Variants in PI4KB observed in about 807,000 individuals in gnomAD.
The protein encoded by PI4KB is PtdIns 4-kinase beta.
PI4KB carries 23 observed loss-of-function variants against 81.4 expected under a neutral mutation model. That is an observed-to-expected ratio of 0.28 (90% CI 0.20 to 0.40). The LOEUF is 0.40. Among genes scored for constraint, PI4KB ranks in the 10% least tolerant of loss-of-function variants. The pLI is 1.00. For missense variants in PI4KB, 651 were observed against 1,036.6 expected (o/e 0.63, Z 5.11); for synonymous variants, 381 against 406.8 (o/e 0.94, Z 0.76).
chr1:151,302,022 G>C, intron 7 of PI4KB, 55 bp from the exon 8 acceptor site: 2 of 1,604,540 alleles, frequency 1.2e-6, no homozygotes, highest in South Asian at 2.2e-5. Flanking sequence ...GAGGACAAGA[G>C]ACATGGCTTC....
chr1:151,310,289 G>C, intron 2 of PI4KB, 34 bp from the exon 3 acceptor site: 1 of 1,379,520 alleles, frequency 7.2e-7, no homozygotes, highest in Non-Finnish European at 1.0e-6. Context: ...GGGAGAAGGA[G>C]GGGGTGGGAA....
chr1:151,322,521 A>G (rs1463882976), intron 1 of PI4KB, among the ~76,000 whole-genome samples: 1 of 152,138 alleles, frequency 6.6e-6, no homozygotes, highest in East Asian at 1.9e-4. Flanking sequence ...CCCCTCACCC[A>G]GTTAATCACC....
At position 151,315,629 on chromosome 1, in the gene PI4KB, G is replaced by A. The variant is rs1297215520; in HGVS notation, c.853C>T (p.Leu285Phe). ...GCTGTTCGTTTCAGGTTGCTGCTGA[G>A]ACTTATGCTGGCAGTGGCATCTGAC... Reference protein sequence around the residue: ...SKSDATASISLSSNLKRTASN... With the variant: ...SKSDATASISFSSNLKRTASN... The change falls in exon 2 of 12, where the codon CTC becomes TTC. Residue 285 changes from leucine (L) to phenylalanine (F), a missense_variant. Coordinates refer to ENST00000368873, the MANE Select transcript of PI4KB (RefSeq NM_001369623.2). 9 of 1,613,996 alleles carry A rather than the reference G, an allele frequency of 5.6e-6. No individual in the cohort carries two copies. Among genetic ancestry groups the A allele is most frequent in the African/African-American group, 1.3e-5 (1 of 74,910 alleles).
intron 9 of PI4KB, 151 bp from the exon 10 acceptor site, chr1:151,294,692 T>G (rs1694645401): frequency 3.1e-6 from 2 of 643,708 alleles, no homozygotes; most frequent in Non-Finnish European, 5.5e-6. Context: ...CCTGTCCAGT[T>G]TCCTAGGACC....
chr1:151,326,319 G>A, intron 1 of PI4KB: 1 of 731,132 alleles, frequency 1.4e-6, no homozygotes, highest in Non-Finnish European at 2.3e-6. Context: ...TGAGGCAGCT[G>A]AGGCTCCCCC....
chr1:151,320,500 C>T (rs1313614737), intron 1 of PI4KB, among the ~76,000 whole-genome samples: 1 of 152,176 alleles, frequency 6.6e-6, no homozygotes, highest in African/African-American at 2.4e-5. Flanking sequence ...AAGTTCATTC[C>T]TGAATTTAAT....
intron 2 of PI4KB, among the ~76,000 whole-genome samples, chr1:151,312,489 A>G (rs1647273043): frequency 6.6e-6 from 1 of 152,308 alleles, no homozygotes; most frequent in East Asian, 1.9e-4. Context: ...CACAAACTAA[A>G]CAGTTCCATA....
rs989174434 is a variant in PI4KB at position 151,312,608 on chromosome 1, A to G, written c.910-2353T>C. 1.1e-4 allele frequency among the ~76,000 whole-genome samples: 17 copies of G among 152,358 alleles called. No homozygotes were observed. In the East Asian group the frequency reaches 1.7e-3, roughly 16 times the overall value. ...CGGCTTTGGACATTGTACAAAGTCAATAACTACATGTTGAGTGAATGAATG... is the reference window on the plus strand; with the variant it reads ...CGGCTTTGGACATTGTACAAAGTCAGTAACTACATGTTGAGTGAATGAATG... On this transcript the variant is annotated intron_variant, in intron 2 of 11. Transcript: ENST00000368873.
In PI4KB at chr1:151,306,550, T is replaced by G. The variant is rs969894246; in HGVS notation, c.1183-187A>C. The G allele has an allele frequency of 2.0e-5, 12 of 592,704 alleles. No homozygotes were observed. In the African/African-American group the frequency reaches 2.2e-4, roughly 11 times the overall value. 36.7% of individuals were successfully genotyped at this position (592,704 alleles called of 1,614,324 possible). A position where few individuals can be genotyped will look rare whatever the true frequency, so the allele number is the denominator to read the frequency against. On this transcript the variant is annotated intron_variant, in intron 4 of 11. Coordinates refer to ENST00000368873, the MANE Select transcript of PI4KB (RefSeq NM_001369623.2). ...CCTATGATCACCTATGTAAAGAATT[T>G]GTGTGACAGAATCCTTAAGTCTTCA...
intron 1 of PI4KB, among the ~76,000 whole-genome samples, chr1:151,324,153 G>A (rs1374941277): frequency 6.6e-6 from 1 of 152,076 alleles, no homozygotes; most frequent in African/African-American, 2.4e-5. Context: ...GTTTCACCAT[G>A]TTGTCTCGAA....
chr1:151,307,394 CA>C (rs1379832009), intron 4 of PI4KB, among the ~76,000 whole-genome samples, 179 bp downstream of exon 4: 5 of 152,254 alleles, frequency 3.3e-5, no homozygotes, highest in African/African-American at 9.6e-5. Flanking sequence ...AAAAGGGATA[CA>C]GGGGGGCTCT....
chr1:151,318,936 C>T (rs1212143275), intron 1 of PI4KB, among the ~76,000 whole-genome samples: 4 of 152,098 alleles, frequency 2.6e-5, no homozygotes, highest in African/African-American at 9.7e-5. Context: ...TGACATCACA[C>T]CCTCTTTCTC....
At chr1:151,310,170 TGG>T in intron 3 of PI4KB, 39 bp downstream of exon 3, 1 of 1,490,230 alleles carries the variant, frequency 6.7e-7, no homozygotes, top group Non-Finnish European at 9.3e-7. Context: ...ATGCGGCCAC[TGG>T]GGGAGCCTGC....
intron 2 of PI4KB, 143 bp from the exon 3 acceptor site, chr1:151,310,398 C>T: frequency 1.6e-6 from 1 of 634,246 alleles, no homozygotes; most frequent in Non-Finnish European, 2.8e-6. Flanking sequence ...AAAAGAAAGT[C>T]AACTCAGAAA....
At chr1:151,326,604 G>A (rs1157110064) in intron 1 of PI4KB, among the ~76,000 whole-genome samples, 1 of 152,182 alleles carries the variant, frequency 6.6e-6, no homozygotes, top group African/African-American at 2.4e-5. Flanking sequence ...GAAAGTTATA[G>A]GGATCATAAT....
chr1:151,294,171 G>C (rs1269378016), intron 10 of PI4KB, 33 bp from the exon 11 acceptor site: 1 of 1,599,664 alleles, frequency 6.3e-7, no homozygotes, highest in African/African-American at 1.3e-5. Context: ...TGTGCACAAG[G>C]GGTCTTACAC....
chr1:151,306,806 G>A (rs758981855), intron 4 of PI4KB, among the ~76,000 whole-genome samples: 50 of 152,352 alleles, frequency 3.3e-4, no homozygotes, highest in Non-Finnish European at 4.1e-4. Context: ...GCCGGGCGCG[G>A]TGGCTCACGC....
chr1:151,304,345 T>G (rs940636226), intron 5 of PI4KB, among the ~76,000 whole-genome samples: 2 of 147,634 alleles, frequency 1.4e-5, no homozygotes, highest in Middle Eastern at 3.2e-3. Flanking sequence ...GGCTGTGTGT[T>G]TTTTTTTTTT....
chr1:151,294,066 G>C lies in PI4KB; in HGVS notation c.2221C>G (p.Arg741Gly). Residue 741 changes from arginine (R) to glycine (G), a missense_variant, in exon 11 of 12, where the codon CGG (arginine) becomes GGG (glycine). Transcript: ENST00000368873. ...MLMLQGLIAARKHMDKVVQIV... is the reference protein window; with the variant it reads ...MLMLQGLIAAGKHMDKVVQIV... Reference sequence around the variant, plus strand: ...TGCACCACCTTGTCCATGTGTTTCCGAGCGGCAATCAGCCCTTGCAGCATC... The same window carrying C: ...TGCACCACCTTGTCCATGTGTTTCCCAGCGGCAATCAGCCCTTGCAGCATC... The C allele has an allele frequency of 6.2e-7, 1 of 1,614,046 alleles. No individual in the cohort carries two copies. The highest frequency in any genetic ancestry group is 1.1e-5 in the South Asian group (1 of 91,056).
Sources: allele counts gnomAD v4.1 joint callset (sites outside exome capture counted in the v4.1 genomes callset), GRCh38; gene constraint gnomAD v4.1.1; transcripts MANE v1.5; gene names NCBI Gene and HGNC (gene_info 2026-07-23, HGNC 2026-07-21).